NLGN1: variants seen among roughly 807,000 people sequenced by gnomAD.
The protein encoded by NLGN1 is neuroligin-1.
Under a neutral mutation model 65.5 loss-of-function variants are expected in NLGN1, and 12 were observed. That is an observed-to-expected ratio of 0.18 (90% CI 0.12 to 0.30). NLGN1 has a LOEUF of 0.30. NLGN1 is among the 10% of genes least tolerant of loss of function. NLGN1 has a pLI of 1.00. For missense variants in NLGN1, 750 were observed against 1,007.1 expected (o/e 0.74, Z 3.46); for synonymous variants, 350 against 359.5 (o/e 0.97, Z 0.30).
At chr3:173,761,420 T>C (rs890840105) in intron 3 of NLGN1, among the ~76,000 whole-genome samples, 1 of 151,922 alleles carries the variant, frequency 6.6e-6, no homozygotes, top group African/African-American at 2.4e-5. Context: ...ATGGAGTCGA[T>C]GGGTAAGAGG....
chr3:173,548,130 C>T (rs1740212359), intron 2 of NLGN1, among the ~76,000 whole-genome samples: 1 of 152,062 alleles, frequency 6.6e-6, no homozygotes, highest in South Asian at 2.1e-4. Flanking sequence ...AAGCCAGTGC[C>T]TACCAAAACC....
intron 4 of NLGN1, among the ~76,000 whole-genome samples, chr3:174,079,308 T>C (rs149747653): frequency 6.6e-6 from 1 of 152,286 alleles, no homozygotes; most frequent in Non-Finnish European, 1.5e-5. Flanking sequence ...TACTGATCTT[T>C]AGAGAAATGC....
chr3:174,006,558 C>G (rs949309117), intron 4 of NLGN1, among the ~76,000 whole-genome samples: 15 of 152,144 alleles, frequency 9.9e-5, no homozygotes, highest in African/African-American at 3.6e-4. Flanking sequence ...CTCCTACTTA[C>G]AATTTTTCAG....
intron 4 of NLGN1, among the ~76,000 whole-genome samples, chr3:174,193,153 T>C (rs1732714337): frequency 6.6e-6 from 1 of 152,160 alleles, no homozygotes; most frequent in Non-Finnish European, 1.5e-5. Flanking sequence ...TAACAGTTGG[T>C]ACAAAGGAAC....
chr3:173,550,383 T>C (rs573997949), intron 2 of NLGN1, among the ~76,000 whole-genome samples: 2 of 152,222 alleles, frequency 1.3e-5, no homozygotes, highest in Admixed American at 1.3e-4. Flanking sequence ...AAGGATCATC[T>C]GCTGTTATTA....
intron 3 of NLGN1, among the ~76,000 whole-genome samples, chr3:173,610,528 A>G (rs1329237868): frequency 6.6e-6 from 1 of 152,024 alleles, no homozygotes; most frequent in Non-Finnish European, 1.5e-5. Context: ...AAGGAAGTGA[A>G]TGAAGATAAC....
At chr3:173,556,115 A>G (rs1469313567) in intron 2 of NLGN1, among the ~76,000 whole-genome samples, 2 of 152,144 alleles carry the variant, frequency 1.3e-5, no homozygotes, top group Non-Finnish European at 2.9e-5. Flanking sequence ...TTTTATTTCT[A>G]TGATCTAAAA....
intron 4 of NLGN1, among the ~76,000 whole-genome samples, chr3:174,026,093 T>G (rs1320619251): frequency 6.6e-6 from 1 of 152,172 alleles, no homozygotes; most frequent in Non-Finnish European, 1.5e-5. Context: ...TAAGAGAATT[T>G]AAAAAATTAA....
chr3:173,846,247 G>A (rs1725769297), intron 4 of NLGN1, among the ~76,000 whole-genome samples: 1 of 152,192 alleles, frequency 6.6e-6, no homozygotes, highest in Non-Finnish European at 1.5e-5. Context: ...GTCTTACTGA[G>A]TGAAGACTTA....
intron 4 of NLGN1, among the ~76,000 whole-genome samples, chr3:174,258,221 T>C (rs2152853955): frequency 6.6e-6 from 1 of 152,140 alleles, no homozygotes; most frequent in Middle Eastern, 3.4e-3. Flanking sequence ...TAGCCATATG[T>C]GGGACAATTG....
At chr3:173,617,981 T>C (rs754467298) in intron 3 of NLGN1, among the ~76,000 whole-genome samples, 79 of 152,104 alleles carry the variant, frequency 5.2e-4, no homozygotes, top group Non-Finnish European at 2.4e-4. Context: ...GCTAACGTTT[T>C]CTCCAAGGCA....
intron 2 of NLGN1, among the ~76,000 whole-genome samples, chr3:173,552,223 C>T (rs915032473): frequency 6.6e-6 from 1 of 152,106 alleles, no homozygotes; most frequent in Non-Finnish European, 1.5e-5. Context: ...AAGAGCTGAC[C>T]ACTGGGGAGG....
At chr3:174,066,538 C>CTT (rs1247179331) in intron 4 of NLGN1, among the ~76,000 whole-genome samples, 4 of 140,922 alleles carry the variant, frequency 2.8e-5, no homozygotes, top group Non-Finnish European at 6.1e-5. Flanking sequence ...CTCTCTCTCT[C>CTT]TCTCTCTCTC....
chr3:174,104,000 G>A (rs1262797720), intron 4 of NLGN1, among the ~76,000 whole-genome samples: 2 of 151,812 alleles, frequency 1.3e-5, no homozygotes, highest in Non-Finnish European at 2.9e-5. Context: ...TAGAACACCT[G>A]GCTGTTTCTT....
At chr3:174,040,890 G>T (rs764885904) in intron 4 of NLGN1, among the ~76,000 whole-genome samples, 3 of 151,900 alleles carry the variant, frequency 2.0e-5, no homozygotes, top group Non-Finnish European at 4.4e-5. Flanking sequence ...TTAATATGTA[G>T]TTCAAAGTAA....
At chr3:173,474,498 G>C (rs1412057841) in intron 2 of NLGN1, among the ~76,000 whole-genome samples, 1 of 152,090 alleles carries the variant, frequency 6.6e-6, no homozygotes, top group African/African-American at 2.4e-5. Flanking sequence ...GCACTTAAAT[G>C]AAATGTTCAA....
intron 2 of NLGN1, among the ~76,000 whole-genome samples, chr3:173,460,794 A>T (rs1001866130): frequency 6.6e-6 from 1 of 152,148 alleles, no homozygotes; most frequent in African/African-American, 2.4e-5. Context: ...AATAAAAGAG[A>T]GGTTTTCTGG....
chr3:173,470,581 TC>T (rs1246516392), intron 2 of NLGN1, among the ~76,000 whole-genome samples: 2 of 152,068 alleles, frequency 1.3e-5, no homozygotes, highest in African/African-American at 4.8e-5. Flanking sequence ...TCTCTTTTCT[TC>T]TGTTTGTTCT....
intron 2 of NLGN1, among the ~76,000 whole-genome samples, chr3:173,443,318 AC>A (rs1719556537): frequency 5.8e-5 from 3 of 51,928 alleles, no homozygotes; most frequent in South Asian, 1.1e-3. Context: ...TTATATATAT[AC>A]TATATATATA....
Sources: gnomAD v4.1 joint callset for allele counts (sites outside exome capture counted in the v4.1 genomes callset) on GRCh38, gnomAD v4.1.1 for gene constraint, MANE v1.5 for transcripts, NCBI Gene and HGNC (gene_info 2026-07-23, HGNC 2026-07-21) for gene names.